SDR42E2: variants seen among roughly 807,000 people sequenced by gnomAD.
SDR42E2 encodes short chain dehydrogenase/reductase family 42E, member 2, also known as putative short-chain dehydrogenase/reductase family 42E member 2.
SDR42E2 carries 20 observed loss-of-function variants against 10.5 expected under a neutral mutation model. The observed-to-expected ratio is 1.90, with a 90% CI of 1.34 to 2.77. The LOEUF is 2.77. Ranked by LOEUF, SDR42E2 falls within the 30% of genes most tolerant of loss-of-function variation. The probability of loss-of-function intolerance (pLI) is 0.00; values close to 1 mark genes in which losing one functional copy is unlikely to be tolerated. For missense variants in SDR42E2, 162 were observed against 104.2 expected (o/e 1.55, Z -2.42); for synonymous variants, 72 against 39.2 (o/e 1.84, Z -3.12).
intron 4 of SDR42E2, among the ~76,000 whole-genome samples, chr16:22,167,821 A>G (rs910957064): frequency 1.3e-5 from 2 of 152,210 alleles, no homozygotes; most frequent in Admixed American, 1.3e-4. Flanking sequence ...ATAGTTTCCA[A>G]GGTGCAAAGC....
chr16:22,182,871 T>G (rs546602980), intron 10 of SDR42E2, among the ~76,000 whole-genome samples: 2 of 152,014 alleles, frequency 1.3e-5, no homozygotes, highest in Non-Finnish European at 2.9e-5. Flanking sequence ...AGGCATGGTG[T>G]TGGCACACCT....
chr16:22,172,575 A>G (rs1348138324), intron 7 of SDR42E2, among the ~76,000 whole-genome samples: 11 of 152,202 alleles, frequency 7.2e-5, no homozygotes, highest in Admixed American at 3.3e-4. Context: ...GCTCACAGCT[A>G]GGTGGGGAAG....
chr16:22,182,776 G>A (rs1285342514), intron 10 of SDR42E2, among the ~76,000 whole-genome samples: 1 of 152,158 alleles, frequency 6.6e-6, no homozygotes, highest in Admixed American at 6.5e-5. Flanking sequence ...AACACGGGAG[G>A]ATCGCTTGAG....
At chr16:22,168,883 A>G (rs1424759695) in intron 4 of SDR42E2, among the ~76,000 whole-genome samples, 1 of 152,168 alleles carries the variant, frequency 6.6e-6, no homozygotes, top group Non-Finnish European at 1.5e-5. Flanking sequence ...CAAAAAAATA[A>G]TAATAATAAA....
At chr16:22,185,764 G>C (rs2046732203) in intron 11 of SDR42E2, among the ~76,000 whole-genome samples, 1 of 151,902 alleles carries the variant, frequency 6.6e-6, no homozygotes, top group Non-Finnish European at 1.5e-5. Context: ...CTACCACCAG[G>C]CCCAGCTAAT....
intron 11 of SDR42E2, 131 bp downstream of exon 11, chr16:22,184,375 G>T (rs1288197787): frequency 2.7e-6 from 1 of 376,814 alleles, no homozygotes; most frequent in African/African-American, 2.1e-5. Context: ...GCTGAGGCAG[G>T]CAGATCACCT....
chr16:22,166,450 G>T lies in SDR42E2; in HGVS notation c.240+16G>T. 2 of 402,960 alleles carry T rather than the reference G, an allele frequency of 5.0e-6. No homozygotes were observed. The highest frequency in any genetic ancestry group is 8.8e-6 in the Non-Finnish European group (2 of 227,420). The allele number at this position is 402,960 out of a possible 1,614,324, so 25.0% of individuals were successfully genotyped here. A position where few individuals can be genotyped will look rare whatever the true frequency, so the allele number is the denominator to read the frequency against. Reference sequence around the variant, plus strand: ...GTTCATCCAGGTACAAGGAACAAGGGTCTTAATAGACTGGGGCAGTGGTGA... The same window carrying T: ...GTTCATCCAGGTACAAGGAACAAGGTTCTTAATAGACTGGGGCAGTGGTGA... On this transcript the variant is annotated intron_variant, in intron 3 of 12. Coordinates refer to ENST00000602312, the MANE Select transcript of SDR42E2 (RefSeq NM_001394319.2).
intron 12 of SDR42E2, among the ~76,000 whole-genome samples, chr16:22,188,958 G>A (rs772897662): frequency 6.6e-6 from 1 of 152,172 alleles, no homozygotes; most frequent in Non-Finnish European, 1.5e-5. Context: ...ACTGTAATTA[G>A]AGCCATTCTT....
chr16:22,163,600 G>A (rs377615987), intron 1 of SDR42E2, among the ~76,000 whole-genome samples: 2 of 152,146 alleles, frequency 1.3e-5, no homozygotes, highest in Admixed American at 6.5e-5. Context: ...CCAGCTACTC[G>A]GGAGGCTGAG....
intron 5 of SDR42E2, among the ~76,000 whole-genome samples, chr16:22,169,713 G>A (rs749583652): frequency 3.0e-4 from 45 of 152,156 alleles, no homozygotes; most frequent in Non-Finnish European, 5.0e-4. Flanking sequence ...TACCTCTCAG[G>A]GCTTAGGGAC....
chr16:22,177,588 A>T (rs965572777), intron 7 of SDR42E2, among the ~76,000 whole-genome samples: 2 of 152,152 alleles, frequency 1.3e-5, no homozygotes, highest in African/African-American at 4.8e-5. Context: ...AGATTGCGCC[A>T]CTGCATTGCA....
chr16:22,179,623 C>G (rs1248860895), intron 8 of SDR42E2, among the ~76,000 whole-genome samples: 1 of 151,934 alleles, frequency 6.6e-6, no homozygotes, highest in African/African-American at 2.4e-5. Context: ...ACCAGCCTGG[C>G]CAGCATGGTG....
intron 11 of SDR42E2, among the ~76,000 whole-genome samples, chr16:22,186,494 A>C (rs1044528565): frequency 8.5e-5 from 13 of 152,238 alleles, no homozygotes; most frequent in African/African-American, 2.7e-4. Context: ...GGCTTGAGCC[A>C]CTGCACCCAG....
chr16:22,167,106 G>T, intron 4 of SDR42E2, 107 bp downstream of exon 4: 1 of 522,722 alleles, frequency 1.9e-6, no homozygotes, highest in South Asian at 2.6e-5. Flanking sequence ...ATTATAGGAG[G>T]GACTTGGGCT....
At chr16:22,169,226 G>C (rs1042086136) in intron 4 of SDR42E2, among the ~76,000 whole-genome samples, 1 of 152,162 alleles carries the variant, frequency 6.6e-6, no homozygotes, top group African/African-American at 2.4e-5. Flanking sequence ...CTTTACAAAT[G>C]AGGTTGCTGA....
At chr16:22,181,078 G>T (rs772871848) in intron 8 of SDR42E2, among the ~76,000 whole-genome samples, 12 of 152,212 alleles carry the variant, frequency 7.9e-5, no homozygotes, top group Non-Finnish European at 1.6e-4. Context: ...GGTGGACAGA[G>T]GGGGACCAGT....
At chr16:22,183,619 A>G (rs1459211449) in intron 10 of SDR42E2, among the ~76,000 whole-genome samples, 2 of 152,208 alleles carry the variant, frequency 1.3e-5, no homozygotes, top group African/African-American at 4.8e-5. Context: ...CTTGACCTGG[A>G]AAGTTTTTAT....
intron 12 of SDR42E2, among the ~76,000 whole-genome samples, chr16:22,189,547 AAACC>A (rs2046756499): frequency 6.6e-6 from 1 of 152,206 alleles, no homozygotes; most frequent in Admixed American, 6.5e-5. Context: ...ACTACCCTTC[AAACC>A]AGTGGGCCCC....
chr16:22,166,497 T>A (rs953441929), intron 3 of SDR42E2, 63 bp downstream of exon 3: 1 of 402,358 alleles, frequency 2.5e-6, no homozygotes, highest in Admixed American at 4.4e-5. Context: ...CAGTGTTTGA[T>A]GTGAAACCTG....
Sources: gnomAD v4.1 joint callset for allele counts (sites outside exome capture counted in the v4.1 genomes callset) on GRCh38, gnomAD v4.1.1 for gene constraint, MANE v1.5 for transcripts, NCBI Gene and HGNC (gene_info 2026-07-23, HGNC 2026-07-21) for gene names.